The following CDH18 variants were observed in gnomAD, a reference collection of about 807,000 sequenced individuals.
CDH18 encodes cadherin-18.
A neutral mutation model predicts 67.9 loss-of-function variants in CDH18; 31 were observed. The ratio of observed to expected loss-of-function variants is 0.46; its 90% CI spans 0.34 to 0.62. The LOEUF is 0.62. Among genes scored for constraint, CDH18 ranks in the 20% least tolerant of loss-of-function variants. CDH18 has a pLI of 0.01. For missense variants in CDH18, 890 were observed against 975.5 expected, an observed-to-expected ratio of 0.91 and a Z score of 1.17; for synonymous variants, 362 against 347.2, an observed-to-expected ratio of 1.04 and a Z score of -0.48.
rs59764100 is a variant in CDH18, at chr5:20,279,725, A to AAAAAAAAAAAAAC, written c.-579-24221_-579-24220insGTTTTTTTTTTTT. On this transcript the variant is annotated intron_variant, in intron 1 of 14. Coordinates refer to the CDH18 transcript ENST00000507958. ...AAAAAAAAAAAAAAAAAAAAAAAAA[A>AAAAAAAAAAAAAC]AAAGCAAAAACTGTAAGAGCGAGAT... Among the ~76,000 whole-genome samples the AAAAAAAAAAAAAC allele has an allele frequency of 2.5e-3, 326 of 128,842 alleles. 16 individuals carry two copies. The highest frequency in any genetic ancestry group is 5.2e-3 in the South Asian group (21 of 4,008). The allele number at this position is 128,842 out of a possible 152,430, so 84.5% of individuals were successfully genotyped here.
At chr5:20,482,186 G>GA (rs1420312474) in intron 1 of CDH18, among the ~76,000 whole-genome samples, 3 of 151,754 alleles carry the variant, frequency 2.0e-5, no homozygotes, top group Non-Finnish European at 2.9e-5. Flanking sequence ...AAAAAATCTA[G>GA]AAAAAATGAA....
chr5:20,569,390 C>G lies in CDH18; in HGVS notation c.-580+6072G>C, dbSNP rs534934293. Among the ~76,000 whole-genome samples, 50 of 152,164 alleles carry G rather than the reference C, an allele frequency of 3.3e-4. 1 individual carries two copies. In the South Asian group the frequency reaches 9.5e-3, roughly 29 times the overall value. Reference sequence around the variant, plus strand: ...GTAATCCCAGCACTTTGGAAGGCCACGGCGGGCGGATCATGAGGTCAAGAG... The same window carrying G: ...GTAATCCCAGCACTTTGGAAGGCCAGGGCGGGCGGATCATGAGGTCAAGAG... On this transcript the variant is annotated intron_variant, in intron 1 of 14. Transcript: ENST00000507958.
chr5:20,573,093 A>G (rs1286472889), intron 1 of CDH18, among the ~76,000 whole-genome samples: 1 of 152,124 alleles, frequency 6.6e-6, no homozygotes, highest in Non-Finnish European at 1.5e-5. Context: ...TTTCCTGTTA[A>G]TAATATGGGA....
intron 5 of CDH18, among the ~76,000 whole-genome samples, chr5:19,664,750 GCAT>G (rs1757683165): frequency 1.3e-5 from 2 of 151,908 alleles, no homozygotes; most frequent in Non-Finnish European, 2.9e-5. Context: ...GCCCCTCACT[GCAT>G]TAAATCAGTT....
At position 19,890,894 on chromosome 5, in the gene CDH18, C is replaced by T. The variant is rs180768525; in HGVS notation, c.-256-51652G>A. ...TGGTCACTTCTTATAGATAGATTTG[C>T]GTAGAAAACCAATTTAAAACCAGTT... On this transcript the variant is annotated intron_variant, in intron 2 of 12. Transcript: ENST00000382275. 3.0e-3 allele frequency among the ~76,000 whole-genome samples: 456 copies of T among 152,076 alleles called. 5 individuals are homozygous for T. Among genetic ancestry groups the T allele is most frequent in the African/African-American group, 9.9e-3 (409 of 41,490 alleles).
intron 5 of CDH18, among the ~76,000 whole-genome samples, chr5:19,669,417 T>G (rs1363045656): frequency 1.3e-5 from 2 of 151,730 alleles, no homozygotes; most frequent in Non-Finnish European, 2.9e-5. Context: ...CTCAGCCGCC[T>G]GAGTAGCTGG....
At chr5:20,231,366 T>C (rs111582581) in intron 2 of CDH18, among the ~76,000 whole-genome samples, 9 of 151,906 alleles carry the variant, frequency 5.9e-5, no homozygotes, top group African/African-American at 2.2e-4. Context: ...TCCCAGCGCT[T>C]TGGGAGGCTG....
At chr5:19,904,571 T>C (rs950393443) in intron 2 of CDH18, among the ~76,000 whole-genome samples, 1 of 152,142 alleles carries the variant, frequency 6.6e-6, no homozygotes, top group African/African-American at 2.4e-5. Flanking sequence ...CGTAAGTTCT[T>C]GGGTAAAGTG....
Position 19,586,274 on chromosome 5 carries a change from C to T in CDH18, c.999+4783G>A, listed in dbSNP as rs149864523. 1.4e-3 allele frequency among the ~76,000 whole-genome samples: 214 copies of T among 151,994 alleles called. 1 individual carries two copies. Among genetic ancestry groups the T allele is most frequent in the African/African-American group, 5.0e-3 (207 of 41,446 alleles). ...GGTTTGTTACATAGGTAAACATGTG[C>T]CATGGTGGTCTGCCGCACAGATTAA... On this transcript the variant is annotated intron_variant, in intron 7 of 12. Coordinates refer to ENST00000382275, the MANE Select transcript of CDH18 (RefSeq NM_004934.5).
chr5:19,609,193 TAGA>T (rs1021425552), intron 6 of CDH18, among the ~76,000 whole-genome samples: 1 of 151,980 alleles, frequency 6.6e-6, no homozygotes, highest in Admixed American at 6.6e-5. Flanking sequence ...TGATTTTCTC[TAGA>T]AGGAGAAGTA....
intron 7 of CDH18, among the ~76,000 whole-genome samples, chr5:19,572,104 G>C (rs1228199945): frequency 6.6e-6 from 1 of 152,276 alleles, no homozygotes; most frequent in East Asian, 1.9e-4. Flanking sequence ...TCCGATTCAG[G>C]AATGTGTGAG....
At chr5:19,867,450 A>T (rs967673353) in intron 2 of CDH18, among the ~76,000 whole-genome samples, 3 of 152,212 alleles carry the variant, frequency 2.0e-5, no homozygotes, top group Non-Finnish European at 2.9e-5. Flanking sequence ...CTATTTACCC[A>T]TCTATATTTT....
At chr5:20,031,920 T>A (rs1739433813) in intron 2 of CDH18, among the ~76,000 whole-genome samples, 1 of 151,952 alleles carries the variant, frequency 6.6e-6, no homozygotes, top group Admixed American at 6.6e-5. Context: ...GCAAAGCAAA[T>A]AGAGTGTCCA....
intron 1 of CDH18, among the ~76,000 whole-genome samples, chr5:20,377,718 A>G (rs901209641): frequency 1.3e-5 from 2 of 152,222 alleles, no homozygotes; most frequent in Non-Finnish European, 2.9e-5. Flanking sequence ...ATCATAATGT[A>G]TATAATATCA....
chr5:19,577,582 T>C (rs1403637088), intron 7 of CDH18, among the ~76,000 whole-genome samples: 1 of 152,116 alleles, frequency 6.6e-6, no homozygotes, highest in African/African-American at 2.4e-5. Flanking sequence ...CTATCTAGAG[T>C]TTCACCCACA....
At chr5:20,339,747 A>T in intron 1 of CDH18, among the ~76,000 whole-genome samples, 1 of 152,174 alleles carries the variant, frequency 6.6e-6, no homozygotes, top group East Asian at 1.9e-4. Flanking sequence ...AAAACAAATT[A>T]AGAGGGATCT....
chr5:20,479,115 T>C (rs746611985), intron 1 of CDH18, among the ~76,000 whole-genome samples: 9 of 152,130 alleles, frequency 5.9e-5, no homozygotes, highest in Non-Finnish European at 1.3e-4. Context: ...TCGATGCTTT[T>C]TGAATACTTG....
intron 1 of CDH18, among the ~76,000 whole-genome samples, chr5:20,433,271 GTA>G (rs1246935516): frequency 6.7e-6 from 1 of 150,068 alleles, no homozygotes; most frequent in Non-Finnish European, 1.5e-5. Flanking sequence ...GTGTGTGTGT[GTA>G]TATTTATATA....
chr5:19,564,831 C>T (rs571058526), intron 8 of CDH18, among the ~76,000 whole-genome samples: 3 of 150,826 alleles, frequency 2.0e-5, no homozygotes, highest in Non-Finnish European at 4.4e-5. Flanking sequence ...GTGGAGCTAA[C>T]TGCCCTGAAG....
Sources: allele counts gnomAD v4.1 joint callset (sites outside exome capture counted in the v4.1 genomes callset), GRCh38; gene constraint gnomAD v4.1.1; transcripts MANE v1.5; gene names NCBI Gene and HGNC (gene_info 2026-07-23, HGNC 2026-07-21).